The following MAPK12 variants were observed in gnomAD, a reference collection of about 807,000 sequenced individuals.
MAPK12 encodes the protein MAP kinase 12.
Under a neutral mutation model 49.1 loss-of-function variants are expected in MAPK12, and 49 were observed. The ratio of observed to expected loss-of-function variants is 1.00; its 90% CI spans 0.79 to 1.27. The LOEUF (loss-of-function observed/expected upper bound fraction) is 1.27. Among genes scored for constraint, MAPK12 ranks in the 50% most tolerant of loss-of-function variants. The pLI is 0.00. For synonymous variants in MAPK12, 251 were observed against 209.7 expected (o/e 1.20, Z -1.70); for missense variants, 554 against 502.4 (o/e 1.10, Z -0.98).
At chr22:50,260,983 G>A in intron 2 of MAPK12, 184 bp downstream of exon 2, 1 of 631,814 alleles carries the variant, frequency 1.6e-6, no homozygotes, top group Non-Finnish European at 2.4e-6. Context: ...AACGGCCCTT[G>A]GGGGAGTCGT....
chr22:50,253,869 G>A (rs2065122725), intron 11 of MAPK12: 1 of 215,734 alleles, frequency 4.6e-6, no homozygotes, highest in South Asian at 6.3e-5. Flanking sequence ...GAAGGGTGGA[G>A]GCCCTGCTGC....
rs948695483 is a variant in MAPK12 at position 50,253,221 on chromosome 22, A to G, written c.*180T>C. 6.1e-6 allele frequency: 4 copies of G among 652,568 alleles called. No individual in the cohort carries two copies. Among genetic ancestry groups the G allele is most frequent in the Non-Finnish European group, 1.1e-5 (4 of 356,986 alleles). 40.4% of individuals were successfully genotyped at this position (652,568 alleles called of 1,614,324 possible). A position where few individuals can be genotyped will look rare whatever the true frequency, so the allele number is the denominator to read the frequency against. On this transcript the variant is annotated 3_prime_UTR_variant, in exon 12 of 12. Transcript: ENST00000215659. ...GTCCAGAAAGTTCAGGTGCTCCTCC[A>G]TGATGGGCGCCCAAGAGCAGAGGCA... is the stretch of plus-strand genomic sequence containing the variant.
Position 50,261,499 on chromosome 22 carries a change from G to A in MAPK12, c.11C>T (p.Pro4Leu). ...GTAAAAGCCACTGCGGGCGGGCGGC[G>A]GAGAGCTCATGGCAGGCCCGGGAGC... MSS[P>L]PPARSGFYRQ... Residue 4 changes from proline to leucine, a missense_variant, in exon 1 of 12, where the codon CCG becomes CTG. Transcript: ENST00000215659. 1 of 1,243,648 alleles carries A rather than the reference G, an allele frequency of 8.0e-7. No homozygotes were observed. Among genetic ancestry groups the A allele is most frequent in the East Asian group, 5.3e-5 (1 of 18,704 alleles). The allele number at this position is 1,243,648 out of a possible 1,614,324, so 77.0% of individuals were successfully genotyped here. A position where few individuals can be genotyped will look rare whatever the true frequency, so the allele number is the denominator to read the frequency against.
intron 9 of MAPK12, 37 bp downstream of exon 9, chr22:50,255,578 G>GCCCCCCCCCCCCCCCCCCCCC: frequency 1.6e-5 from 25 of 1,581,786 alleles, no homozygotes; most frequent in Non-Finnish European, 2.0e-5. Flanking sequence ...GCCCAGGTCC[G>GCCCCCCCCCCCCCCCCCCCCC]CCCCCACCCC....
chr22:50,256,203 T>G lies in MAPK12; in HGVS notation c.505-4A>C, dbSNP rs779526859. On this transcript the variant is annotated splice_polypyrimidine_tract_variant and splice_region_variant and intron_variant, in intron 6 of 11. Coordinates refer to ENST00000215659, the MANE Select transcript of MAPK12 (RefSeq NM_002969.6). ...TGGCCAGGCCGAAGTCCAGGATCTG[T>G]GGGAAGAATTGGGGAGGTGGGTTCT... 2 of 1,605,988 alleles carry G rather than the reference T, an allele frequency of 1.2e-6. No individual in the cohort carries two copies. Among genetic ancestry groups the G allele is most frequent in the African/African-American group, 2.7e-5 (2 of 74,892 alleles).
At chr22:50,257,918 G>A (rs765324228) in intron 3 of MAPK12, 6 of 774,348 alleles carry the variant, frequency 7.7e-6, no homozygotes, top group African/African-American at 1.7e-5. Context: ...CACACACTTG[G>A]TGCCAGGGTC....
chr22:50,256,431 G>A (rs917365622), intron 6 of MAPK12, among the ~76,000 whole-genome samples, 168 bp downstream of exon 6: 10 of 152,176 alleles, frequency 6.6e-5, no homozygotes, highest in African/African-American at 1.4e-4. Context: ...CCCTGGGTAC[G>A]GCATGTTGTG....
Position 50,255,867 on chromosome 22 carries a change from C to T in MAPK12, c.634G>A (p.Val212Met), listed in dbSNP as rs762907698. 5.0e-6 allele frequency: 8 copies of T among 1,612,688 alleles called. No individual in the cohort carries two copies. The Admixed American group carries it at 6.7e-5, about 13-fold the overall frequency. ...RYTQTVDIWS[V>M]GCIMAEMITG... The stretch of plus-strand genomic sequence containing the variant: ...ATCATCTCCGCCATGATGCAGCCCA[C>T]AGACCAGATGTCCACTGAGATAGAA... The change falls in exon 8 of 12, where the codon GTG (valine) becomes ATG (methionine). Residue 212 changes from valine (V) to methionine (M), a missense_variant. Coordinates refer to ENST00000215659, the MANE Select transcript of MAPK12 (RefSeq NM_002969.6).
intron 2 of MAPK12, among the ~76,000 whole-genome samples, chr22:50,259,503 A>G (rs2147261434): frequency 1.3e-5 from 2 of 152,270 alleles, no homozygotes; most frequent in African/African-American, 4.8e-5. Flanking sequence ...TTCCAGGGAA[A>G]GAGCCTCAGC....
chr22:50,255,071 C>T (rs745365770), intron 11 of MAPK12, 126 bp downstream of exon 11: 42 of 1,522,428 alleles, frequency 2.8e-5, no homozygotes, highest in East Asian at 4.9e-5. Flanking sequence ...AGGCCCTACC[C>T]GGAGCCCCCA....
chr22:50,255,811 G>A lies in MAPK12; in HGVS notation c.690C>T (p.Asp230=). Residue 230 remains aspartate, a splice_region_variant and synonymous_variant, in exon 8 of 12, where the codon GAC becomes GAT. Coordinates refer to ENST00000215659, the MANE Select transcript of MAPK12 (RefSeq NM_002969.6). ...TGCCGCCCTGCGGCTGGAGGATACG[G>A]TCGCTGCCCTTGAACAGCGTCTTGC... ...ITGKTLFKGS[D]HLDQLKEIMK... is the part of the protein sequence containing the mutation. 2 of 1,612,668 alleles carry A rather than the reference G, an allele frequency of 1.2e-6. No homozygotes were observed. Among genetic ancestry groups the A allele is most frequent in the Non-Finnish European group, 1.7e-6 (2 of 1,179,996 alleles).
In MAPK12 at chr22:50,253,442, G is replaced by T. The variant is rs1307517554; in HGVS notation, c.1063C>A (p.Arg355=). The change falls in exon 12 of 12, where the codon CGG becomes AGG. Residue 355 remains arginine (R), a synonymous_variant. Transcript: ENST00000215659. The part of the protein sequence containing the change: ...YKEVLSFKPP[R]QLGARVSKET... ...TTGGAGACCCTGGCCCCCAGCTGCC[G>T]GGGAGGCTTGAAGCTGAGCACCTCT... 2.0e-6 allele frequency: 3 copies of T among 1,531,568 alleles called. No individual in the cohort carries two copies. The East Asian group carries it at 7.6e-5, about 39-fold the overall frequency. 94.9% of individuals were successfully genotyped at this position (1,531,568 alleles called of 1,614,324 possible).
At chr22:50,255,981 G>GCTCAACA in intron 7 of MAPK12, 100 bp from the exon 8 acceptor site, 1 of 1,497,268 alleles carries the variant, frequency 6.7e-7, no homozygotes, top group East Asian at 2.3e-5. Context: ...TCCCACCCCA[G>GCTCAACA]CTCAACAGCC....
intron 9 of MAPK12, 30 bp downstream of exon 9, chr22:50,255,584 AC>A (rs1723809919): frequency 4.6e-6 from 3 of 649,372 alleles, no homozygotes; most frequent in East Asian, 6.3e-5. Context: ...GTCCGCCCCC[AC>A]CCCCACCCAG....
intron 11 of MAPK12, 175 bp from the exon 12 acceptor site, chr22:50,253,655 A>T: frequency 1.7e-6 from 1 of 599,488 alleles, no homozygotes. Context: ...CTAGATCTGG[A>T]TTTTCCAGGG....
chr22:50,261,130 C>G, intron 2 of MAPK12, 37 bp downstream of exon 2: 1 of 1,541,750 alleles, frequency 6.5e-7, no homozygotes, highest in Non-Finnish European at 8.8e-7. Flanking sequence ...CAAGCCGAGG[C>G]CGCGGCGCCT....
Position 50,261,638 on chromosome 22 carries a change from G to A in MAPK12, c.-129C>T. The A allele has an allele frequency of 1.0e-6, 1 of 957,622 alleles. No individual in the cohort carries two copies. The highest frequency in any genetic ancestry group is 1.2e-6 in the Non-Finnish European group (1 of 803,178). The allele number at this position is 957,622 out of a possible 1,614,324, so 59.3% of individuals were successfully genotyped here. On this transcript the variant is annotated 5_prime_UTR_variant, in exon 1 of 12. Coordinates refer to ENST00000215659, the MANE Select transcript of MAPK12 (RefSeq NM_002969.6). ...CGTCCGCTCGCCCGCCCGCCCGCCG[G>A]CCGCTGGGGCGCTCCCGCTCCCGGC... is the stretch of plus-strand genomic sequence containing the variant.
In MAPK12 at chr22:50,261,124, CCGAGGCCGCGGCGCCTTCCCGGAG is replaced by C; in HGVS notation, c.255+19_255+42del. 1.3e-6 allele frequency: 2 copies of C among 1,531,400 alleles called. No homozygotes were observed. Among genetic ancestry groups the C allele is most frequent in the Non-Finnish European group, 1.8e-6 (2 of 1,135,626 alleles). 94.9% of individuals were successfully genotyped at this position (1,531,400 alleles called of 1,614,324 possible). ...GGGAACCCAGCCCAGCTGAACCAAG[CCGAGGCCGCGGCGCCTTCCCGGAG>C]CGGGGCCGCGCGACTCACGTTCTCG... On this transcript the variant is annotated intron_variant, in intron 2 of 11. Transcript: ENST00000215659.
At chr22:50,255,721 G>C (rs373061117) in intron 8 of MAPK12, 27 bp from the exon 9 acceptor site, 5 of 1,609,450 alleles carry the variant, frequency 3.1e-6, no homozygotes, top group African/African-American at 1.3e-5. Flanking sequence ...AACACAGCTC[G>C]GGGGCCAGAG....
Sources: gnomAD v4.1 joint callset for allele counts (sites outside exome capture counted in the v4.1 genomes callset) on GRCh38, gnomAD v4.1.1 for gene constraint, MANE v1.5 for transcripts, NCBI Gene and HGNC (gene_info 2026-07-23, HGNC 2026-07-21) for gene names.